OSBPL5: variants seen among roughly 807,000 people sequenced by gnomAD.
OSBPL5 encodes the protein oxysterol binding protein like 5, also known as oxysterol-binding protein-related protein 5.
In OSBPL5, 71 loss-of-function variants were observed where a neutral mutation model predicts 111.2. The ratio of observed to expected loss-of-function variants is 0.64; its 90% CI spans 0.53 to 0.78. The LOEUF is 0.78. Among genes scored for constraint, OSBPL5 ranks in the 30% least tolerant of loss-of-function variants. The pLI is 0.00. For synonymous variants in OSBPL5, 549 were observed against 513.9 expected (o/e 1.07, Z -0.93); for missense variants, 1,210 against 1,189.3 (o/e 1.02, Z -0.26).
intron 1 of OSBPL5, among the ~76,000 whole-genome samples, chr11:3,145,957 A>G (rs1436265768): frequency 6.6e-6 from 1 of 152,060 alleles, no homozygotes; most frequent in East Asian, 1.9e-4. Context: ...CGGGGTCACA[A>G]TCGGCAAATG....
At chr11:3,137,068 C>T (rs1269621603) in intron 1 of OSBPL5, among the ~76,000 whole-genome samples, 2 of 152,206 alleles carry the variant, frequency 1.3e-5, no homozygotes, top group Non-Finnish European at 2.9e-5. Flanking sequence ...CAGCAGCCAT[C>T]ATGTCAACAC....
intron 1 of OSBPL5, among the ~76,000 whole-genome samples, chr11:3,153,117 T>C (rs573999013): frequency 6.6e-6 from 1 of 152,050 alleles, no homozygotes; most frequent in East Asian, 1.9e-4. Flanking sequence ...GTGAGCTGCT[T>C]CCAATCCCAG....
chr11:3,094,385 C>G (rs1318083606), intron 14 of OSBPL5, 51 bp from the exon 15 acceptor site: 1 of 1,490,306 alleles, frequency 6.7e-7, no homozygotes, highest in Non-Finnish European at 9.2e-7. Context: ...CTGCTGAGCC[C>G]CAGGCCCTGC....
chr11:3,123,622 G>A (rs1858499509), intron 3 of OSBPL5, among the ~76,000 whole-genome samples: 1 of 152,250 alleles, frequency 6.6e-6, no homozygotes, highest in African/African-American at 2.4e-5. Flanking sequence ...GCACTTTCCA[G>A]CGGAGCCTCT....
chr11:3,159,867 G>A (rs1304621228), intron 1 of OSBPL5, among the ~76,000 whole-genome samples: 1 of 152,180 alleles, frequency 6.6e-6, no homozygotes, highest in Non-Finnish European at 1.5e-5. Flanking sequence ...GGCCAGCCAT[G>A]AGCCTCACTT....
chr11:3,157,062 G>A (rs1252898797), intron 1 of OSBPL5, among the ~76,000 whole-genome samples: 2 of 152,252 alleles, frequency 1.3e-5, no homozygotes, highest in East Asian at 3.8e-4. Context: ...AGGTCAGAAC[G>A]TGAAGGATGC....
At chr11:3,117,429 TC>T (rs1356795396) in intron 7 of OSBPL5, among the ~76,000 whole-genome samples, 1 of 152,226 alleles carries the variant, frequency 6.6e-6, no homozygotes, top group Non-Finnish European at 1.5e-5. Context: ...AAAAGTCTTA[TC>T]TGAGATTCTT....
chr11:3,129,135 G>A lies in OSBPL5; in HGVS notation c.14C>T (p.Ala5Val), dbSNP rs1327855316. The A allele has an allele frequency of 6.8e-7, 1 of 1,476,516 alleles. No individual in the cohort carries two copies. The highest frequency in any genetic ancestry group is 9.0e-7 in the Non-Finnish European group (1 of 1,108,964). 91.5% of individuals were successfully genotyped at this position (1,476,516 alleles called of 1,614,324 possible). MKEE[A>V]FLRRRFSLCP... Reference sequence around the variant, plus strand: ...CAGGGAGAAGCGGCGCCGGAGGAAGGCCTCCTCCTTCATGCTGTGGGCGCT... The same window carrying A: ...CAGGGAGAAGCGGCGCCGGAGGAAGACCTCCTCCTTCATGCTGTGGGCGCT... Residue 5 changes from alanine (A) to valine (V), a missense_variant, in exon 2 of 22, where the codon GCC becomes GTC. Physicochemically the swap from Ala to Val is moderately conservative, Grantham distance 64. Transcript: ENST00000263650.
intron 6 of OSBPL5, among the ~76,000 whole-genome samples, chr11:3,120,212 C>T (rs1858354409): frequency 6.6e-6 from 1 of 152,186 alleles, no homozygotes; most frequent in African/African-American, 2.4e-5. Flanking sequence ...TTGATGCCAC[C>T]TCCTTGCAGC....
chr11:3,133,175 G>A (rs1188433411), intron 1 of OSBPL5, among the ~76,000 whole-genome samples: 1 of 152,258 alleles, frequency 6.6e-6, no homozygotes, highest in Non-Finnish European at 1.5e-5. Context: ...GTTGGCATCT[G>A]CAGGGTGTGA....
intron 1 of OSBPL5, 43 bp from the exon 2 acceptor site, chr11:3,129,212 G>A (rs1273212084): frequency 1.5e-6 from 2 of 1,358,052 alleles, no homozygotes; most frequent in Middle Eastern, 2.5e-4. Flanking sequence ...CACCGCCCCG[G>A]AAGGGGCTTC....
rs1458643099 is a variant in OSBPL5 at position 3,140,199 on chromosome 11, G to T, written c.-21-11030C>A. On this transcript the variant is annotated intron_variant, in intron 1 of 21. Coordinates refer to ENST00000263650, the MANE Select transcript of OSBPL5 (RefSeq NM_020896.4). The surrounding 1 kb of genome is among the most constrained non-coding windows in gnomAD (Gnocchi z 4.5). ...CAGAGGTTGAGTCCTCAGAAGGAGGGAGGGGATAATTGCAGTGGTGTCTCC... is the reference window on the plus strand; with the variant it reads ...CAGAGGTTGAGTCCTCAGAAGGAGGTAGGGGATAATTGCAGTGGTGTCTCC... Among the ~76,000 whole-genome samples, 2 of 152,224 alleles carry T rather than the reference G, an allele frequency of 1.3e-5. No homozygotes were observed. Among genetic ancestry groups the T allele is most frequent in the East Asian group, 3.9e-4 (2 of 5,190 alleles).
intron 7 of OSBPL5, among the ~76,000 whole-genome samples, chr11:3,108,468 G>A (rs1857790477): frequency 1.3e-5 from 2 of 152,184 alleles, no homozygotes; most frequent in African/African-American, 4.8e-5. Context: ...AGTCCAGGGA[G>A]GAGGGTGGGG....
intron 1 of OSBPL5, among the ~76,000 whole-genome samples, chr11:3,152,418 C>T (rs920472854): frequency 1.1e-4 from 17 of 152,326 alleles, no homozygotes; most frequent in African/African-American, 3.6e-4. Flanking sequence ...AGGTGGTCTG[C>T]GCACACTGAA....
At chr11:3,157,559 G>A (rs1846814942) in intron 1 of OSBPL5, among the ~76,000 whole-genome samples, 1 of 152,230 alleles carries the variant, frequency 6.6e-6, no homozygotes, top group African/African-American at 2.4e-5. Context: ...GCTTGACTGG[G>A]GTGGCTCCAC....
Position 3,106,974 on chromosome 11 carries a change from A to G in OSBPL5, c.1059+289T>C, listed in dbSNP as rs1268789240. 6.6e-6 allele frequency among the ~76,000 whole-genome samples: 1 copy of G among 152,174 alleles called. No homozygotes were observed. On this transcript the variant is annotated intron_variant, in intron 9 of 21. Coordinates refer to ENST00000263650, the MANE Select transcript of OSBPL5 (RefSeq NM_020896.4). This position sits in a 1 kb window ranked among gnomAD's most constrained non-coding sequence, Gnocchi z 8.4. ...CTCTTGAGCCTCCTGTTCTCCCATCAGCGCATTCCAGCCCAAGGAGGGAGT... is the reference window on the plus strand; with the variant it reads ...CTCTTGAGCCTCCTGTTCTCCCATCGGCGCATTCCAGCCCAAGGAGGGAGT...
At position 3,087,482 on chromosome 11, in the gene OSBPL5, G is replaced by A. The variant is rs150763294; in HGVS notation, c.*723C>T. 1,089 of 154,054 alleles carry A rather than the reference G, an allele frequency of 7.1e-3. 10 individuals are homozygous for A. The highest frequency in any genetic ancestry group is 0.011 in the Admixed American group (167 of 15,296). The allele number at this position is 154,054 out of a possible 1,614,324, so 9.5% of individuals were successfully genotyped here. A position where few individuals can be genotyped will look rare whatever the true frequency, so the allele number is the denominator to read the frequency against. On this transcript the variant is annotated 3_prime_UTR_variant, in exon 22 of 22. Transcript: ENST00000263650. ...ACTTGAGCCTCCCCGGCCTGGGTGC[G>A]GGGCCAGCTAAGCCACACCCCTGCG... is the stretch of plus-strand genomic sequence containing the variant.
intron 1 of OSBPL5, among the ~76,000 whole-genome samples, chr11:3,156,227 C>T (rs956015870): frequency 1.3e-5 from 2 of 152,192 alleles, no homozygotes; most frequent in African/African-American, 4.8e-5. Context: ...GAAACCGGAA[C>T]GCTTGCTCCA....
chr11:3,140,738 C>T lies in OSBPL5; in HGVS notation c.-21-11569G>A, dbSNP rs996453669. 2.6e-5 allele frequency among the ~76,000 whole-genome samples: 4 copies of T among 152,202 alleles called. No homozygotes were observed. Among genetic ancestry groups the T allele is most frequent in the Admixed American group, 6.5e-5 (1 of 15,286 alleles). ...GTCATAAGGTCACCTGCTGCCCACA[C>T]GTCCCATCCTAGTCCTCCTTGGGGT... is the stretch of plus-strand genomic sequence containing the variant. On this transcript the variant is annotated intron_variant, in intron 1 of 21. Coordinates refer to ENST00000263650, the MANE Select transcript of OSBPL5 (RefSeq NM_020896.4). The surrounding 1 kb of genome is among the most constrained non-coding windows in gnomAD (Gnocchi z 4.5).
Sources: allele counts gnomAD v4.1 joint callset (sites outside exome capture counted in the v4.1 genomes callset), GRCh38; gene constraint gnomAD v4.1.1; non-coding constraint Gnocchi (gnomAD v3.1); transcripts MANE v1.5; gene names NCBI Gene and HGNC (gene_info 2026-07-23, HGNC 2026-07-21).